COL28A1: variants seen among roughly 807,000 people sequenced by gnomAD.
COL28A1 encodes the protein collagen type XXVIII alpha 1 chain.
COL28A1 carries 161 observed loss-of-function variants against 150.2 expected under a neutral mutation model. That is an observed-to-expected ratio of 1.07 (90% confidence interval 0.94 to 1.22). COL28A1 has a LOEUF of 1.22. Ranked by LOEUF, COL28A1 falls within the 50% of genes most tolerant of loss-of-function variation. The pLI is 0.00. For missense variants in COL28A1, 1,617 were observed against 1,388.3 expected (o/e 1.16, Z -2.62); for synonymous variants, 552 against 469.7 (o/e 1.18, Z -2.26).
At chr7:7,491,815 A>G (rs924869985) in intron 11 of COL28A1, among the ~76,000 whole-genome samples, 11 of 152,226 alleles carry the variant, frequency 7.2e-5, no homozygotes, top group African/African-American at 9.6e-5. Flanking sequence ...ATTGACCCCA[A>G]TTACCCATTT....
intron 27 of COL28A1, among the ~76,000 whole-genome samples, chr7:7,406,224 T>C (rs1783484992): frequency 6.6e-6 from 1 of 152,218 alleles, no homozygotes; most frequent in African/African-American, 2.4e-5. Context: ...GGGTTCTCTT[T>C]AATAATGGAA....
At chr7:7,411,008 C>T (rs970928058) in intron 27 of COL28A1, among the ~76,000 whole-genome samples, 27 of 152,244 alleles carry the variant, frequency 1.8e-4, no homozygotes, top group African/African-American at 6.5e-4. Flanking sequence ...CAAATCTAGT[C>T]AAGTGGATTC....
At chr7:7,522,155 C>G (rs1419693583) in intron 4 of COL28A1, 194 bp from the exon 5 acceptor site, 3 of 639,842 alleles carry the variant, frequency 4.7e-6, no homozygotes, top group Admixed American at 2.2e-5. Context: ...GGATGTTTTG[C>G]TCTCTCTATT....
In COL28A1 at chr7:7,511,109, T is replaced by C. The variant is rs1781111527; in HGVS notation, c.909A>G (p.Pro303=). The change falls in exon 9 of 35, where the codon CCA becomes CCG. Residue 303 remains proline (P), a synonymous_variant. Coordinates refer to ENST00000399429, the MANE Select transcript of COL28A1 (RefSeq NM_001037763.3). ...TCCTTACCTTGTCACCTTTTATCCC[T>C]GGTTTACCACATTCCCCACGTTCAC... is the stretch of plus-strand genomic sequence containing the variant. ...DKGERGECGK[P]GIKGDKGSPG... The C allele has an allele frequency of 6.2e-7, 1 of 1,613,226 alleles. No individual in the cohort carries two copies. The highest frequency in any genetic ancestry group is 1.3e-5 in the African/African-American group (1 of 74,918).
intron 15 of COL28A1, among the ~76,000 whole-genome samples, chr7:7,473,870 G>T (rs866630792): frequency 2.0e-5 from 3 of 150,740 alleles, no homozygotes; most frequent in Admixed American, 6.6e-5. Flanking sequence ...TATAGTGTGT[G>T]TTTATATATA....
At chr7:7,342,375 C>A in the COL28A1 span, among the ~76,000 whole-genome samples, 2 of 151,940 alleles carry the variant, frequency 1.3e-5, no homozygotes, top group Non-Finnish European at 2.9e-5. Flanking sequence ...ATATTTTTAT[C>A]CAATCTATTA....
intron 15 of COL28A1, among the ~76,000 whole-genome samples, chr7:7,460,058 A>C (rs1787486122): frequency 2.6e-5 from 4 of 152,200 alleles, no homozygotes; most frequent in Admixed American, 2.6e-4. Flanking sequence ...ACTTATCCCC[A>C]ACTATTGACA....
the COL28A1 span, among the ~76,000 whole-genome samples, chr7:7,341,593 C>A: frequency 2.0e-3 from 308 of 152,008 alleles, 2 homozygotes; most frequent in African/African-American, 7.2e-3. Context: ...AATTTTCAGC[C>A]TTTTTTGCTA....
chr7:7,390,203 G>C (rs1452307690), intron 27 of COL28A1, among the ~76,000 whole-genome samples: 1 of 152,086 alleles, frequency 6.6e-6, no homozygotes, highest in Non-Finnish European at 1.5e-5. Context: ...TAGCATGAAG[G>C]GATGTTGAAT....
chr7:7,522,055 T>C (rs1781757232), intron 4 of COL28A1, 94 bp from the exon 5 acceptor site: 5 of 770,646 alleles, frequency 6.5e-6, no homozygotes, highest in Non-Finnish European at 1.2e-5. Context: ...TCAAAGTGTA[T>C]TTCAAATAAA....
chr7:7,515,676 T>G, intron 8 of COL28A1, 138 bp downstream of exon 8: 2 of 676,258 alleles, frequency 3.0e-6, no homozygotes, highest in East Asian at 5.4e-5. Flanking sequence ...TCTATTATTA[T>G]TTTATGTTAA....
chr7:7,406,860 T>C (rs936214146), intron 27 of COL28A1, among the ~76,000 whole-genome samples: 4 of 152,156 alleles, frequency 2.6e-5, no homozygotes, highest in Middle Eastern at 3.2e-3. Context: ...AGTGGTTTTC[T>C]TTCTTTTTTT....
rs1321703695 is a variant in COL28A1 at position 7,373,755 on chromosome 7, G to T, written c.2360-209C>A. Among the ~76,000 whole-genome samples, 1 of 150,724 alleles carries T rather than the reference G, an allele frequency of 6.6e-6. No individual in the cohort carries two copies. Among genetic ancestry groups the T allele is most frequent in the Non-Finnish European group, 1.5e-5 (1 of 67,828 alleles). ...TCGCTGTCGCCCAGGTTGGAGTGCAGTGGCGCGATCTCGGCTCACTGCAGG... is the reference window on the plus strand; with the variant it reads ...TCGCTGTCGCCCAGGTTGGAGTGCATTGGCGCGATCTCGGCTCACTGCAGG... On this transcript the variant is annotated intron_variant, in intron 31 of 34. Coordinates refer to ENST00000399429, the MANE Select transcript of COL28A1 (RefSeq NM_001037763.3). This position sits in a 1 kb window ranked among gnomAD's most constrained non-coding sequence, Gnocchi z 4.1.
At chr7:7,436,738 T>G (rs1785373689) in intron 22 of COL28A1, among the ~76,000 whole-genome samples, 1 of 152,320 alleles carries the variant, frequency 6.6e-6, no homozygotes, top group South Asian at 2.1e-4. Context: ...TGGCTGAGAA[T>G]GCTCTTAAAA....
At chr7:7,447,910 A>C (rs1215278242) in intron 18 of COL28A1, among the ~76,000 whole-genome samples, 1 of 152,142 alleles carries the variant, frequency 6.6e-6, no homozygotes, top group Non-Finnish European at 1.5e-5. Flanking sequence ...CTACTAAAAA[A>C]TACAAAAATT....
chr7:7,361,122 A>G (rs1317933059), intron 33 of COL28A1, among the ~76,000 whole-genome samples: 1 of 93,970 alleles, frequency 1.1e-5, no homozygotes, highest in Non-Finnish European at 2.3e-5. Context: ...CTGCTCTATT[A>G]TCAGACCCCA....
chr7:7,465,117 T>C (rs943067689), intron 15 of COL28A1, among the ~76,000 whole-genome samples: 16 of 152,138 alleles, frequency 1.1e-4, no homozygotes, highest in Middle Eastern at 6.8e-3. Flanking sequence ...GATGGCCGAA[T>C]AGGAACAGCT....
At chr7:7,478,524 C>A (rs1370743829) in intron 13 of COL28A1, among the ~76,000 whole-genome samples, 1 of 152,270 alleles carries the variant, frequency 6.6e-6, no homozygotes, top group Admixed American at 6.5e-5. Context: ...AGCTGCCTGC[C>A]AGTCCCAGGC....
intron 27 of COL28A1, among the ~76,000 whole-genome samples, chr7:7,415,613 A>C (rs533736693): frequency 1.3e-5 from 2 of 152,286 alleles, no homozygotes; most frequent in South Asian, 4.1e-4. Flanking sequence ...GGCTCACTGC[A>C]ACCTCCGCCT....
Sources: allele counts gnomAD v4.1 joint callset (sites outside exome capture counted in the v4.1 genomes callset), GRCh38; gene constraint gnomAD v4.1.1; non-coding constraint Gnocchi (gnomAD v3.1); transcripts MANE v1.5; gene names NCBI Gene and HGNC (gene_info 2026-07-23, HGNC 2026-07-21).